The following CGN variants were observed in gnomAD, a reference collection of about 807,000 sequenced individuals.
CGN encodes cingulin.
CGN carries 121 observed loss-of-function variants against 157.1 expected under a neutral mutation model. That is an observed-to-expected ratio of 0.77 (90% confidence interval 0.66 to 0.90). The LOEUF (loss-of-function observed/expected upper bound fraction) is 0.90. Ranked by LOEUF, CGN falls within the 40% of genes least tolerant of loss-of-function variation. The probability of loss-of-function intolerance (pLI) is 0.00; values close to 1 mark genes in which losing one functional copy is unlikely to be tolerated. For synonymous variants in CGN, 535 were observed against 607.5 expected, an observed-to-expected ratio of 0.88 and a Z score of 1.76; for missense variants, 1,424 against 1,520.9, an observed-to-expected ratio of 0.94 and a Z score of 1.06.
chr1:151,527,026 G>A lies in CGN; in HGVS notation c.1815G>A (p.Glu605=). ...AGGAGATGGAAGAGGAGCTTGGAGAGAAGATAGAGGTCTTGCAGAGGGAAT... is the reference window on the plus strand; with the variant it reads ...AGGAGATGGAAGAGGAGCTTGGAGAAAAGATAGAGGTCTTGCAGAGGGAAT... ...EKEEMEEELG[E]KIEVLQRELE... is the part of the protein sequence containing the mutation. Residue 605 remains glutamate, a synonymous_variant, in exon 10 of 21, where the codon GAG becomes GAA. Coordinates refer to ENST00000271636, the MANE Select transcript of CGN (RefSeq NM_020770.3). 1 of 1,614,184 alleles carries A rather than the reference G, an allele frequency of 6.2e-7. No homozygotes were observed. The highest frequency in any genetic ancestry group is 1.1e-5 in the South Asian group (1 of 91,084).
At chr1:151,534,800 G>C in intron 15 of CGN, 1 of 492,608 alleles carries the variant, frequency 2.0e-6, no homozygotes, top group Non-Finnish European at 3.6e-6. Flanking sequence ...TAGATTCTGG[G>C]GTTTGCCTTT....
At chr1:151,536,029 CTT>C in intron 18 of CGN, 131 bp downstream of exon 18, 1 of 755,100 alleles carries the variant, frequency 1.3e-6, no homozygotes, top group Non-Finnish European at 2.3e-6. Context: ...TTAGGGAACA[CTT>C]TCTCCTGATA....
At chr1:151,529,301 ATCTTAGTCTGGC>A (rs762757244) in intron 10 of CGN, 37 bp from the exon 11 acceptor site, 22 of 1,500,440 alleles carry the variant, frequency 1.5e-5, no homozygotes, top group Non-Finnish European at 1.9e-5. Context: ...ACATTCAGGT[ATCTTAGTCTGGC>A]TCTGGGTGCC....
At chr1:151,530,190 A>G (rs1664802477) in intron 12 of CGN, 75 bp downstream of exon 12, 1 of 1,471,324 alleles carries the variant, frequency 6.8e-7, no homozygotes, top group Non-Finnish European at 9.3e-7. Flanking sequence ...GTTAGCCATC[A>G]GTTTCACTTT....
intron 10 of CGN, among the ~76,000 whole-genome samples, chr1:151,528,111 A>C (rs2102497182): frequency 6.7e-6 from 1 of 150,202 alleles, no homozygotes; most frequent in South Asian, 2.1e-4. Flanking sequence ...GCCCACCACC[A>C]CGCCCGGCTA....
chr1:151,513,854 G>A (rs926103652), intron 1 of CGN, among the ~76,000 whole-genome samples: 1 of 152,240 alleles, frequency 6.6e-6, no homozygotes, highest in Non-Finnish European at 1.5e-5. Context: ...GAATCAACTT[G>A]TGGTCTGGTC....
rs746982631 is a variant in CGN at position 151,529,967 on chromosome 1, A to G, written c.2165A>G (p.Glu722Gly). The G allele has an allele frequency of 6.2e-7, 1 of 1,614,100 alleles. No individual in the cohort carries two copies. The highest frequency in any genetic ancestry group is 1.1e-5 in the South Asian group (1 of 91,086). The change falls in exon 12 of 21, where the codon GAG (glutamate) becomes GGG (glycine). Residue 722 changes from glutamate (E) to glycine (G), a missense_variant. By Grantham distance (98) the Glu-to-Gly change is moderately conservative (BLOSUM62 -2). Transcript: ENST00000271636. ...TVLGQRRAAV[E>G]TTLRETQEEN... Reference sequence around the variant, plus strand: ...CTGGGGCAGCGGCGGGCCGCAGTGGAGACGACGCTTCGGGAGACCCAGGAG... The same window carrying G: ...CTGGGGCAGCGGCGGGCCGCAGTGGGGACGACGCTTCGGGAGACCCAGGAG...
In CGN at chr1:151,534,089, A is replaced by G. The variant is rs1400377068; in HGVS notation, c.2857A>G (p.Lys953Glu). The change falls in exon 15 of 21, where the codon AAG (lysine) becomes GAG (glutamate). Residue 953 changes from lysine (K) to glutamate (E), a missense_variant. Transcript: ENST00000271636. ...GGGGCTGGAGCAAGAGGCAGAGAAC[A>G]AGAAGCGTTCCCAGGACGACAGGGC... The part of the protein sequence containing the change: ...LQGLEQEAEN[K>E]KRSQDDRARQ... The G allele has an allele frequency of 6.2e-7, 1 of 1,612,174 alleles. No homozygotes were observed.
In CGN at chr1:151,526,910, A is replaced by G. The variant is rs1025330248; in HGVS notation, c.1764-65A>G. 4 of 1,601,864 alleles carry G rather than the reference A, an allele frequency of 2.5e-6. No individual in the cohort carries two copies. The African/African-American group carries it at 5.4e-5, about 22-fold the overall frequency. On this transcript the variant is annotated intron_variant, in intron 9 of 20. Transcript: ENST00000271636. ...AGAGGTGGCTTTTATTGTCATGCTA[A>G]CCTCCCCCAGGCATGTGGCCTTACT...
intron 2 of CGN, among the ~76,000 whole-genome samples, chr1:151,519,837 T>C (rs963925997): frequency 6.6e-6 from 1 of 152,224 alleles, no homozygotes; most frequent in Non-Finnish European, 1.5e-5. Context: ...GTTTTAAAAG[T>C]AAATTATTTA....
chr1:151,520,624 TG>T lies in CGN; in HGVS notation c.1075del (p.Ala359GlnfsTer21). 6.2e-7 allele frequency: 1 copy of T among 1,614,164 alleles called. No homozygotes were observed. The highest frequency in any genetic ancestry group is 8.5e-7 in the Non-Finnish European group (1 of 1,180,026). ...VMVSSGSTKA[V>X]AGQGELTRKV... ...GTTTCTTCTGGTTCTACTAAGGCCG[TG>T]GCAGGGCAGGGTGAGCTTACCCGAA... is the stretch of plus-strand genomic sequence containing the variant. On this transcript the variant is annotated frameshift_variant, in exon 5 of 21. Coordinates refer to ENST00000271636, the MANE Select transcript of CGN (RefSeq NM_020770.3). LOFTEE classifies it high-confidence loss of function.
At chr1:151,512,611 C>A (rs1166783730) in intron 1 of CGN, among the ~76,000 whole-genome samples, 1 of 152,200 alleles carries the variant, frequency 6.6e-6, no homozygotes, top group Non-Finnish European at 1.5e-5. Context: ...AGACTGGAGG[C>A]AAATTTCTTT....
intron 1 of CGN, among the ~76,000 whole-genome samples, chr1:151,517,508 GTTT>G (rs560006460): frequency 7.6e-6 from 1 of 130,738 alleles, no homozygotes. Flanking sequence ...GGCACACAGT[GTTT>G]TTTTTTTTTT....
rs763094926 is a variant in CGN at position 151,527,119 on chromosome 1, T to G, written c.1896+12T>G. The G allele has an allele frequency of 9.9e-6, 16 of 1,613,830 alleles. No homozygotes were observed. The highest frequency in any genetic ancestry group is 1.3e-5 in the Non-Finnish European group (15 of 1,179,960). On this transcript the variant is annotated intron_variant, in intron 10 of 20. Transcript: ENST00000271636. ...AGGTGCTCAAGAAGGTATTTGGGAA[T>G]TGGGGGGCAGAATGGTAGGTAGGGG...
chr1:151,517,000 AAAC>A (rs1190743412), intron 1 of CGN, among the ~76,000 whole-genome samples: 1 of 151,636 alleles, frequency 6.6e-6, no homozygotes, highest in Non-Finnish European at 1.5e-5. Context: ...TCTCTACTAA[AAAC>A]AAAAATTAGC....
chr1:151,520,539 C>A, intron 4 of CGN, 56 bp downstream of exon 4: 1 of 1,611,260 alleles, frequency 6.2e-7, no homozygotes, highest in Non-Finnish European at 8.5e-7. Context: ...TTGAGGGCCT[C>A]AGGGGATCCA....
chr1:151,535,007 C>T, intron 15 of CGN, 35 bp from the exon 16 acceptor site: 3 of 1,493,762 alleles, frequency 2.0e-6, no homozygotes, highest in East Asian at 2.3e-5. Flanking sequence ...TGGTGTCCAG[C>T]ATTTGGGACA....
intron 1 of CGN, 109 bp from the exon 2 acceptor site, chr1:151,518,397 G>A: frequency 1.1e-6 from 1 of 919,778 alleles, no homozygotes; most frequent in Non-Finnish European, 1.6e-6. Context: ...GTTAGTCTGA[G>A]AATCAGTGGT....
rs773631914 is a variant in CGN, at chr1:151,529,950, G to A, written c.2148G>A (p.Gln716=). 40 of 1,613,974 alleles carry A rather than the reference G, an allele frequency of 2.5e-5. No individual in the cohort carries two copies. Among genetic ancestry groups the A allele is most frequent in the Non-Finnish European group, 3.1e-5 (37 of 1,179,998 alleles). ...VAEAEATVLG[Q]RRAAVETTLR... Reference sequence around the variant, plus strand: ...AGGCAGAGGCAACAGTGCTGGGGCAGCGGCGGGCCGCAGTGGAGACGACGC... The same window carrying A: ...AGGCAGAGGCAACAGTGCTGGGGCAACGGCGGGCCGCAGTGGAGACGACGC... The change falls in exon 12 of 21, where the codon CAG becomes CAA. Residue 716 remains glutamine, a synonymous_variant. Transcript: ENST00000271636.
Sources: gnomAD v4.1 joint callset for allele counts (sites outside exome capture counted in the v4.1 genomes callset) on GRCh38, gnomAD v4.1.1 for gene constraint, MANE v1.5 for transcripts, NCBI Gene and HGNC (gene_info 2026-07-23, HGNC 2026-07-21) for gene names.